DNAL4: variants seen among roughly 807,000 people sequenced by gnomAD.
DNAL4 encodes the protein dynein light chain, outer arm 4.
In DNAL4, 10 loss-of-function variants were observed where a neutral mutation model predicts 12.6. That is an observed-to-expected ratio of 0.79 (90% CI 0.49 to 1.34). DNAL4 has a LOEUF of 1.34. Ranked by LOEUF, DNAL4 falls within the 40% of genes most tolerant of loss-of-function variation. The pLI is 0.00. For missense variants in DNAL4, 128 were observed against 138.1 expected (o/e 0.93, Z 0.37); for synonymous variants, 46 against 53.1 (o/e 0.87, Z 0.58).
intron 3 of DNAL4, among the ~76,000 whole-genome samples, chr22:38,780,460 C>T (rs537584879): frequency 1.3e-5 from 2 of 152,232 alleles, no homozygotes; most frequent in East Asian, 3.9e-4. Context: ...CCACCGGCTG[C>T]CGCAACACTG....
intron 3 of DNAL4, chr22:38,780,696 C>A: frequency 1.9e-6 from 1 of 523,768 alleles, no homozygotes; most frequent in South Asian, 2.4e-5. Context: ...GCAGGGGCGT[C>A]ATGGAGACCC....
chr22:38,789,821 T>A (rs2093047884), intron 1 of DNAL4, among the ~76,000 whole-genome samples: 1 of 152,284 alleles, frequency 6.6e-6, no homozygotes, highest in East Asian at 1.9e-4. Context: ...GAGGAAGAAT[T>A]GCAACAGGTG....
chr22:38,791,467 C>A (rs181107303), intron 1 of DNAL4, among the ~76,000 whole-genome samples: 3 of 151,976 alleles, frequency 2.0e-5, no homozygotes, highest in Non-Finnish European at 4.4e-5. Context: ...GATTCTCCTG[C>A]CTCAGCCTCC....
chr22:38,782,689 G>C lies in DNAL4; in HGVS notation c.43C>G (p.Arg15Gly). 1 of 1,613,466 alleles carries C rather than the reference G, an allele frequency of 6.2e-7. No homozygotes were observed. The highest frequency in any genetic ancestry group is 8.5e-7 in the Non-Finnish European group (1 of 1,179,798). Reference sequence around the variant, plus strand: ...CTGACCAGAGGGAAGGTCTGCAGTCGCTTATAATCAGCCTCATCTTTCTTC... The same window carrying C: ...CTGACCAGAGGGAAGGTCTGCAGTCCCTTATAATCAGCCTCATCTTTCTTC... ...EGKKDEADYK[R>G]LQTFPLVRHS... Residue 15 changes from arginine (R) to glycine (G), a missense_variant, in exon 2 of 4, where the codon CGA becomes GGA. Physicochemically the swap from Arg to Gly is moderately radical, Grantham distance 125. Transcript: ENST00000216068. The surrounding 1 kb of genome is among the most constrained non-coding windows in gnomAD (Gnocchi z 5.1).
rs1395440948 is a variant in DNAL4 at position 38,779,608 on chromosome 22, G to A, written c.159C>T (p.Ala53=). The part of the protein sequence containing the change: ...CEKFSNNNES[A]AKMIKETMDK... ...CCATTGTCTCTTTGATCATCTTGGC[G>A]GCGCTCTGGAAGGAAGAGGGCACTT... is the stretch of plus-strand genomic sequence containing the variant. The change falls in exon 4 of 4, where the codon GCC becomes GCT. Residue 53 remains alanine (A), a synonymous_variant. Transcript: ENST00000216068. The surrounding 1 kb of genome is among the most constrained non-coding windows in gnomAD (Gnocchi z 4.3). The A allele has an allele frequency of 1.3e-5, 20 of 1,597,216 alleles. No individual in the cohort carries two copies. The highest frequency in any genetic ancestry group is 1.7e-5 in the Admixed American group (1 of 57,982).
In DNAL4 at chr22:38,779,088, T is replaced by C. The variant is rs113546883; in HGVS notation, c.*361A>G. ...GGCAGTACTGGGGATGGCAGGGCAG[T>C]GGGGCTCCCAGGATGCAAGGGGAAG... On this transcript the variant is annotated 3_prime_UTR_variant, in exon 4 of 4. Transcript: ENST00000216068. This position sits in a 1 kb window ranked among gnomAD's most constrained non-coding sequence, Gnocchi z 4.3. The C allele has an allele frequency of 9.0e-3, 1,624 of 180,112 alleles. 27 individuals are homozygous for C. Among genetic ancestry groups the C allele is most frequent in the African/African-American group, 0.036 (1,543 of 42,482 alleles). 11.2% of individuals were successfully genotyped at this position (180,112 alleles called of 1,614,324 possible).
intron 1 of DNAL4, among the ~76,000 whole-genome samples, chr22:38,783,877 G>C (rs1031837713): frequency 6.6e-6 from 1 of 152,136 alleles, no homozygotes; most frequent in Non-Finnish European, 1.5e-5. Flanking sequence ...CTAAAGAGAC[G>C]GGCCTGGACC....
intron 2 of DNAL4, 138 bp from the exon 3 acceptor site, chr22:38,781,147 C>G: frequency 1.2e-6 from 1 of 864,736 alleles, no homozygotes; most frequent in South Asian, 1.5e-5. Flanking sequence ...GGTGACCCAT[C>G]TCCTGACTGA....
At chr22:38,793,412 T>C (rs968205352) in intron 1 of DNAL4, among the ~76,000 whole-genome samples, 5 of 152,330 alleles carry the variant, frequency 3.3e-5, no homozygotes, top group Middle Eastern at 3.4e-3. Flanking sequence ...TGATTTTACA[T>C]ATGCACTGAT....
intron 2 of DNAL4, among the ~76,000 whole-genome samples, chr22:38,781,962 G>C (rs1569317177): frequency 6.6e-6 from 1 of 152,160 alleles, no homozygotes; most frequent in Non-Finnish European, 1.5e-5. Flanking sequence ...ACAACAGCTG[G>C]AGTGAGCTTT....
chr22:38,783,523 C>T lies in DNAL4; in HGVS notation c.-139-653G>A, dbSNP rs140627043. Among the ~76,000 whole-genome samples, 486 of 152,366 alleles carry T rather than the reference C, an allele frequency of 3.2e-3. 5 individuals are homozygous for T. The highest frequency in any genetic ancestry group is 0.011 in the African/African-American group (462 of 41,590). ...CTGGGCTTATTGGCAAGCAAGGGGG[C>T]CCCTCTGCAGGCCCTGATCTTCAGG... On this transcript the variant is annotated intron_variant, in intron 1 of 3. Coordinates refer to ENST00000216068, the MANE Select transcript of DNAL4 (RefSeq NM_005740.3).
At chr22:38,791,458 A>T (rs1488124629) in intron 1 of DNAL4, among the ~76,000 whole-genome samples, 3 of 151,812 alleles carry the variant, frequency 2.0e-5, no homozygotes, top group Non-Finnish European at 2.9e-5. Context: ...GGTTCAAGCG[A>T]TTCTCCTGCC....
intron 1 of DNAL4, among the ~76,000 whole-genome samples, chr22:38,786,926 T>C (rs2093043098): frequency 6.6e-6 from 1 of 152,158 alleles, no homozygotes; most frequent in African/African-American, 2.4e-5. Context: ...GGAAGAATCC[T>C]AAAGAGGGTT....
Position 38,782,745 on chromosome 22 carries a change from T to C in DNAL4, c.-14A>G, listed in dbSNP as rs2093036260. 3.1e-6 allele frequency: 5 copies of C among 1,609,386 alleles called. No homozygotes were observed. The highest frequency in any genetic ancestry group is 4.2e-6 in the Non-Finnish European group (5 of 1,178,268). On this transcript the variant is annotated 5_prime_UTR_variant, in exon 2 of 4. Transcript: ENST00000216068. This position sits in a 1 kb window ranked among gnomAD's most constrained non-coding sequence, Gnocchi z 5.1. Reference sequence around the variant, plus strand: ...TGTTTCTCCCATGATCCTTCCACTGTGACCACTGGAGGAGAGTGGGGCTTT... The same window carrying C: ...TGTTTCTCCCATGATCCTTCCACTGCGACCACTGGAGGAGAGTGGGGCTTT...
At chr22:38,789,476 A>G (rs902743227) in intron 1 of DNAL4, among the ~76,000 whole-genome samples, 1 of 151,842 alleles carries the variant, frequency 6.6e-6, no homozygotes, top group Non-Finnish European at 1.5e-5. Context: ...GGGTTTTGCC[A>G]TGTTGCCCAG....
Position 38,780,933 on chromosome 22 carries a change from T to G in DNAL4, c.146A>C (p.Asn49Thr). Residue 49 changes from asparagine (N) to threonine (T), a missense_variant, in exon 3 of 4, where the codon AAC becomes ACC. Asn to Thr is a moderately conservative substitution (Grantham distance 65). Coordinates refer to ENST00000216068, the MANE Select transcript of DNAL4 (RefSeq NM_005740.3). ...CTGCACTGCTGGCAATACCTCGTTGTTGTTGGAGAATTTCTCACAGGCTGT... is the reference window on the plus strand; with the variant it reads ...CTGCACTGCTGGCAATACCTCGTTGGTGTTGGAGAATTTCTCACAGGCTGT... ...CVTACEKFSNNNESAAKMIKE... is the reference protein window; with the variant it reads ...CVTACEKFSNTNESAAKMIKE... The G allele has an allele frequency of 6.2e-7, 1 of 1,614,216 alleles. No homozygotes were observed. Among genetic ancestry groups the G allele is most frequent in the Non-Finnish European group, 8.5e-7 (1 of 1,180,022 alleles).
At chr22:38,791,972 T>G (rs2093051326) in intron 1 of DNAL4, among the ~76,000 whole-genome samples, 1 of 152,076 alleles carries the variant, frequency 6.6e-6, no homozygotes, top group Non-Finnish European at 1.5e-5. Context: ...CCCAAAGTGC[T>G]GGCATTACAG....
At chr22:38,791,549 A>T (rs1316156145) in intron 1 of DNAL4, among the ~76,000 whole-genome samples, 1 of 151,082 alleles carries the variant, frequency 6.6e-6, no homozygotes, top group African/African-American at 2.4e-5. Context: ...TTGTATTTTT[A>T]GTATTTTGTA....
intron 1 of DNAL4, among the ~76,000 whole-genome samples, chr22:38,787,141 C>G (rs2093043537): frequency 6.6e-6 from 1 of 152,170 alleles, no homozygotes; most frequent in Non-Finnish European, 1.5e-5. Context: ...GTTCTGAGTA[C>G]AGACTCCACC....
Sources: allele counts gnomAD v4.1 joint callset (sites outside exome capture counted in the v4.1 genomes callset), GRCh38; gene constraint gnomAD v4.1.1; non-coding constraint Gnocchi (gnomAD v3.1); transcripts MANE v1.5; gene names NCBI Gene and HGNC (gene_info 2026-07-23, HGNC 2026-07-21).